DENND4A: variants seen among roughly 807,000 people sequenced by gnomAD.
DENND4A encodes C-myc promoter-binding protein.
A neutral mutation model predicts 199.3 loss-of-function variants in DENND4A; 70 were observed. That is an observed-to-expected ratio of 0.35 (90% CI 0.29 to 0.43). The LOEUF (loss-of-function observed/expected upper bound fraction) is 0.43. Ranked by LOEUF, DENND4A falls within the 20% of genes least tolerant of loss-of-function variation. The pLI is 1.00. For synonymous variants in DENND4A, 686 were observed against 766.9 expected (o/e 0.89, Z 1.74); for missense variants, 1,723 against 2,255.8 (o/e 0.76, Z 4.78).
intron 1 of DENND4A, among the ~76,000 whole-genome samples, chr15:65,780,754 CA>C (rs2077415416): frequency 1.3e-5 from 2 of 152,318 alleles, no homozygotes; most frequent in South Asian, 4.1e-4. Flanking sequence ...TTAAGCTTCA[CA>C]AACACCTTAT....
In DENND4A at chr15:65,731,809, T is replaced by G. The variant is rs189457779; in HGVS notation, c.1108-109A>C. The G allele has an allele frequency of 3.5e-5, 26 of 743,772 alleles. No individual in the cohort carries two copies. In the East Asian group the frequency reaches 7.6e-4, roughly 22 times the overall value. The allele number at this position is 743,772 out of a possible 1,614,324, so 46.1% of individuals were successfully genotyped here. A position where few individuals can be genotyped will look rare whatever the true frequency, so the allele number is the denominator to read the frequency against. ...TGATTATGCCCATGAAGTTTCAGTATATCCATTTACCAGTATCAGAACACT... is the reference window on the plus strand; with the variant it reads ...TGATTATGCCCATGAAGTTTCAGTAGATCCATTTACCAGTATCAGAACACT... On this transcript the variant is annotated intron_variant, in intron 8 of 32. Coordinates refer to ENST00000443035, the MANE Select transcript of DENND4A (RefSeq NM_001320835.1).
intron 23 of DENND4A, among the ~76,000 whole-genome samples, chr15:65,690,121 T>A (rs1451249897): frequency 6.6e-6 from 1 of 152,180 alleles, no homozygotes; most frequent in African/African-American, 2.4e-5. Flanking sequence ...GGAAAAAAAA[T>A]CTGCATCTTG....
chr15:65,744,648 G>A (rs796247758), intron 4 of DENND4A, among the ~76,000 whole-genome samples: 1 of 151,834 alleles, frequency 6.6e-6, no homozygotes, highest in South Asian at 2.1e-4. Context: ...ACTATTATCT[G>A]AATACAAAAA....
At chr15:65,685,287 C>T (rs2076731518) in intron 23 of DENND4A, among the ~76,000 whole-genome samples, 1 of 152,088 alleles carries the variant, frequency 6.6e-6, no homozygotes, top group Non-Finnish European at 1.5e-5. Flanking sequence ...GCACCGTGCC[C>T]GGCTAATTTT....
At position 65,691,252 on chromosome 15, in the gene DENND4A, A is replaced by G. The variant is rs146059743; in HGVS notation, c.3342T>C (p.Val1114=). The part of the protein sequence containing the change: ...LGADAKILSN[V]ISKSTRPNTL... ...TATTTGGTCTCGTGCTTTTTGAGAT[A>G]ACATTTGAAAGAATTTTTGCATCAG... The change falls in exon 23 of 33, where the codon GTT becomes GTC. Residue 1114 remains valine, a synonymous_variant. Transcript: ENST00000443035. The G allele has an allele frequency of 8.1e-4, 1,307 of 1,613,172 alleles. 1 individual carries two copies. The highest frequency in any genetic ancestry group is 1.1e-3 in the Non-Finnish European group (1,268 of 1,179,608).
At chr15:65,779,389 G>C (rs1452863139) in intron 1 of DENND4A, among the ~76,000 whole-genome samples, 3 of 150,384 alleles carry the variant, frequency 2.0e-5, no homozygotes, top group Admixed American at 6.6e-5. Flanking sequence ...CTGGGAGGCA[G>C]AGGTTGCAGT....
Position 65,756,325 on chromosome 15 carries a change from T to C in DENND4A, c.126A>G (p.Lys42=), listed in dbSNP as rs1440424558. The C allele has an allele frequency of 1.2e-6, 2 of 1,613,878 alleles. No homozygotes were observed. The highest frequency in any genetic ancestry group is 1.7e-5 in the Admixed American group (1 of 59,992). Reference sequence around the variant, plus strand: ...TAACTGAAACATCTGTAATAGGTTCTTTTGGTTTAGCTACTTTATGACAAG... The same window carrying C: ...TAACTGAAACATCTGTAATAGGTTCCTTTGGTTTAGCTACTTTATGACAAG... The part of the protein sequence containing the change: ...NDACHKVAKP[K]EPITDVSVII... The change falls in exon 3 of 33, where the codon AAA becomes AAG. Residue 42 remains lysine (K), a synonymous_variant. Coordinates refer to ENST00000443035, the MANE Select transcript of DENND4A (RefSeq NM_001320835.1).
chr15:65,699,710 C>A (rs1390144282), intron 20 of DENND4A, among the ~76,000 whole-genome samples: 2 of 148,730 alleles, frequency 1.3e-5, no homozygotes, highest in East Asian at 3.9e-4. Flanking sequence ...GACAGGGTCT[C>A]GCTCTGTCAC....
chr15:65,667,324 G>A lies in DENND4A; in HGVS notation c.5241+125C>T, dbSNP rs1038646487. 17 of 1,184,390 alleles carry A rather than the reference G, an allele frequency of 1.4e-5. No homozygotes were observed. The African/African-American group carries it at 1.9e-4, about 13-fold the overall frequency. 73.4% of individuals were successfully genotyped at this position (1,184,390 alleles called of 1,614,324 possible). A position where few individuals can be genotyped will look rare whatever the true frequency, so the allele number is the denominator to read the frequency against. ...CAGCCTGGCGAAAGAGTGAGACTAC[G>A]TCTCAAAAAATAAAATAAAATAAAT... On this transcript the variant is annotated intron_variant, in intron 29 of 32. Transcript: ENST00000443035.
Position 65,700,478 on chromosome 15 carries a change from AC to A in DENND4A, c.2833+65del, listed in dbSNP as rs1215652850. 24 of 1,088,618 alleles carry A rather than the reference AC, an allele frequency of 2.2e-5. No homozygotes were observed. In the Admixed American group the frequency reaches 3.3e-4, roughly 15 times the overall value. 67.4% of individuals were successfully genotyped at this position (1,088,618 alleles called of 1,614,324 possible). A position where few individuals can be genotyped will look rare whatever the true frequency, so the allele number is the denominator to read the frequency against. ...TCACTGAAAATGAAAATGTAAAAAA[AC>A]ATAGGCTAGCAAATCTAGTTTTAAA... On this transcript the variant is annotated intron_variant, in intron 20 of 32. Transcript: ENST00000443035.
At chr15:65,712,877 T>C (rs1463461393) in intron 14 of DENND4A, among the ~76,000 whole-genome samples, 1 of 152,178 alleles carries the variant, frequency 6.6e-6, no homozygotes, top group Non-Finnish European at 1.5e-5. Flanking sequence ...CATAACATCA[T>C]GGATACTATA....
intron 12 of DENND4A, among the ~76,000 whole-genome samples, chr15:65,722,255 G>A (rs535136469): frequency 2.6e-5 from 4 of 152,302 alleles, no homozygotes; most frequent in African/African-American, 9.6e-5. Flanking sequence ...AGTCGAAGAG[G>A]GAGAACTGCT....
At chr15:65,699,854 AT>A (rs1425100550) in intron 20 of DENND4A, among the ~76,000 whole-genome samples, 1 of 151,238 alleles carries the variant, frequency 6.6e-6, no homozygotes, top group East Asian at 1.9e-4. Flanking sequence ...TAATTTTTGT[AT>A]TTTTGTAGAG....
At chr15:65,701,437 C>CA (rs1463030546) in intron 18 of DENND4A, among the ~76,000 whole-genome samples, 1 of 152,018 alleles carries the variant, frequency 6.6e-6, no homozygotes, top group Non-Finnish European at 1.5e-5. Flanking sequence ...CATGGTGGCA[C>CA]ATGCCTGTAG....
chr15:65,707,967 T>A (rs1366309747), intron 14 of DENND4A, among the ~76,000 whole-genome samples: 1 of 152,172 alleles, frequency 6.6e-6, no homozygotes, highest in African/African-American at 2.4e-5. Flanking sequence ...ATTACAGGCA[T>A]GAGCCACAGT....
intron 1 of DENND4A, among the ~76,000 whole-genome samples, chr15:65,775,302 C>T (rs1256974835): frequency 1.3e-5 from 2 of 151,520 alleles, no homozygotes; most frequent in East Asian, 1.9e-4. Context: ...GCTATGATCA[C>T]ACCACTGCAC....
At chr15:65,733,999 C>T (rs575375602) in intron 7 of DENND4A, among the ~76,000 whole-genome samples, 1 of 152,356 alleles carries the variant, frequency 6.6e-6, no homozygotes, top group South Asian at 2.1e-4. Context: ...TCCAAGGTTT[C>T]TCCCCATGTG....
intron 1 of DENND4A, among the ~76,000 whole-genome samples, chr15:65,774,913 C>T (rs1340754943): frequency 6.8e-6 from 1 of 147,520 alleles, no homozygotes; most frequent in East Asian, 2.0e-4. Flanking sequence ...ACTCTGTTAC[C>T]CAGGCTGGAA....
At position 65,664,694 on chromosome 15, in the gene DENND4A, C is replaced by T. The variant is rs2075978961; in HGVS notation, c.5388G>A (p.Leu1796=). 2 of 1,611,740 alleles carry T rather than the reference C, an allele frequency of 1.2e-6. No homozygotes were observed. The highest frequency in any genetic ancestry group is 2.2e-5 in the South Asian group (2 of 90,854). The change falls in exon 31 of 33, where the codon TTG becomes TTA. Residue 1796 remains leucine, a synonymous_variant. Transcript: ENST00000443035. The stretch of plus-strand genomic sequence containing the variant: ...GGTTAAATGAGTTATCACTTTTTTG[C>T]AATAAATGGACCATTGGATATTTTT... ...HTQKYPMVHL[L]QKSDNSFNQE...
Sources: gnomAD v4.1 joint callset for allele counts (sites outside exome capture counted in the v4.1 genomes callset) on GRCh38, gnomAD v4.1.1 for gene constraint, MANE v1.5 for transcripts, NCBI Gene and HGNC (gene_info 2026-07-23, HGNC 2026-07-21) for gene names.